The following ANKS1A variants were observed in gnomAD, a reference collection of about 807,000 sequenced individuals.
ANKS1A encodes the protein ankyrin repeat and sterile alpha motif domain containing 1A.
ANKS1A carries 55 observed loss-of-function variants against 120.3 expected under a neutral mutation model. The ratio of observed to expected loss-of-function variants is 0.46; its 90% CI spans 0.37 to 0.57. The LOEUF (loss-of-function observed/expected upper bound fraction) is 0.57. Among genes scored for constraint, ANKS1A ranks in the 20% least tolerant of loss-of-function variants. The pLI is 0.00. For missense variants in ANKS1A, 1,123 were observed against 1,480.3 expected, an observed-to-expected ratio of 0.76 and a Z score of 3.96; for synonymous variants, 590 against 604.7, an observed-to-expected ratio of 0.98 and a Z score of 0.36.
chr6:34,984,941 T>C, intron 7 of ANKS1A, 141 bp from the exon 8 acceptor site: 1 of 697,448 alleles, frequency 1.4e-6, no homozygotes, highest in Non-Finnish European at 2.4e-6. Context: ...TTCTTGTCCA[T>C]GGAACAAAGT....
chr6:34,947,837 C>T (rs1769878566), intron 1 of ANKS1A, among the ~76,000 whole-genome samples: 1 of 152,144 alleles, frequency 6.6e-6, no homozygotes, highest in Non-Finnish European at 1.5e-5. Context: ...TTTAGAACTA[C>T]TCTAAGGACA....
rs571842497 is a variant in ANKS1A, at chr6:34,994,638, C to T, written c.1423+216C>T. 8.6e-4 allele frequency among the ~76,000 whole-genome samples: 131 copies of T among 152,154 alleles called. No homozygotes were observed. In the Middle Eastern group the frequency reaches 0.024, roughly 28 times the overall value. ...GGAGTTGGCTGCCACCTTCAGTATG[C>T]GAAGCAAGGAAAAGGTTAGGTCAGA... On this transcript the variant is annotated intron_variant, in intron 10 of 23. Coordinates refer to ENST00000360359, the MANE Select transcript of ANKS1A (RefSeq NM_015245.3).
chr6:35,042,764 G>A (rs1294312726), intron 11 of ANKS1A, among the ~76,000 whole-genome samples: 3 of 152,226 alleles, frequency 2.0e-5, no homozygotes, highest in East Asian at 3.8e-4. Context: ...ACCGTCCTGC[G>A]AAGCAGGCAT....
At chr6:34,936,128 T>C (rs1769245313) in intron 1 of ANKS1A, among the ~76,000 whole-genome samples, 1 of 151,300 alleles carries the variant, frequency 6.6e-6, no homozygotes, top group Non-Finnish European at 1.5e-5. Flanking sequence ...AGCATGTCCC[T>C]AGTTGCTGGT....
chr6:35,001,232 A>G (rs1773150313), intron 10 of ANKS1A, among the ~76,000 whole-genome samples: 1 of 152,248 alleles, frequency 6.6e-6, no homozygotes, highest in Non-Finnish European at 1.5e-5. Flanking sequence ...ACTAATAAAA[A>G]TTGGTGCTGA....
intron 1 of ANKS1A, among the ~76,000 whole-genome samples, chr6:34,912,053 G>A (rs1234955849): frequency 6.6e-6 from 1 of 152,198 alleles, no homozygotes; most frequent in Admixed American, 6.5e-5. Context: ...AAGTAAACAA[G>A]CATGCTACAA....
intron 10 of ANKS1A, among the ~76,000 whole-genome samples, chr6:35,013,038 C>T (rs953171531): frequency 6.6e-6 from 1 of 151,832 alleles, no homozygotes; most frequent in Non-Finnish European, 1.5e-5. Flanking sequence ...TGATCCTCCT[C>T]TCTCAGCCTC....
In ANKS1A at chr6:35,017,540, G is replaced by A; in HGVS notation, c.1491G>A (p.Glu497=). 2 of 1,614,068 alleles carry A rather than the reference G, an allele frequency of 1.2e-6. No individual in the cohort carries two copies. The highest frequency in any genetic ancestry group is 1.7e-6 in the Non-Finnish European group (2 of 1,179,992). The change falls in exon 11 of 24, where the codon GAG becomes GAA. Residue 497 remains glutamate (E), a synonymous_variant. Coordinates refer to ENST00000360359, the MANE Select transcript of ANKS1A (RefSeq NM_015245.3). ...AGGGGCAGGACGGGCAGGTCCCAGA[G>A]CAGTTCTCAGGCCTCCTCCACGGCT... The part of the protein sequence containing the change: ...SAEGQDGQVP[E]QFSGLLHGSS...
chr6:34,972,080 A>G (rs901586873), intron 3 of ANKS1A, among the ~76,000 whole-genome samples: 1 of 152,266 alleles, frequency 6.6e-6, no homozygotes, highest in Non-Finnish European at 1.5e-5. Flanking sequence ...CTGGTCATCC[A>G]TTAAAGTCCT....
At position 34,992,104 on chromosome 6, in the gene ANKS1A, C is replaced by A. The variant is rs932362363; in HGVS notation, c.1303-2198C>A. ...ATTGGATGAAGAAAAAAATGAAAGC[C>A]AGAAGAAAATGAGGCCATACTGGTC... On this transcript the variant is annotated intron_variant, in intron 9 of 23. Transcript: ENST00000360359. Among the ~76,000 whole-genome samples the A allele has an allele frequency of 4.6e-5, 7 of 152,204 alleles. No individual in the cohort carries two copies. In the South Asian group the frequency reaches 1.2e-3, roughly 27 times the overall value.
intron 13 of ANKS1A, among the ~76,000 whole-genome samples, chr6:35,068,518 C>T (rs762014409): frequency 9.2e-5 from 14 of 152,212 alleles, no homozygotes; most frequent in Middle Eastern, 3.2e-3. Flanking sequence ...TCAGCTCTTC[C>T]TACCCTCCCT....
intron 16 of ANKS1A, 71 bp downstream of exon 16, chr6:35,079,999 T>C (rs1777586933): frequency 1.3e-6 from 2 of 1,498,216 alleles, no homozygotes; most frequent in African/African-American, 1.4e-5. Context: ...TAGAATTCTT[T>C]AGGATTCTTC....
At chr6:35,072,173 G>A (rs1030344900) in intron 13 of ANKS1A, among the ~76,000 whole-genome samples, 5 of 152,270 alleles carry the variant, frequency 3.3e-5, no homozygotes, top group Non-Finnish European at 7.3e-5. Context: ...TAGAGCCCCA[G>A]TGGACTGGAG....
intron 11 of ANKS1A, among the ~76,000 whole-genome samples, chr6:35,032,216 T>C (rs2127570802): frequency 6.6e-6 from 1 of 152,308 alleles, no homozygotes; most frequent in East Asian, 1.9e-4. Context: ...CCCCATTAGA[T>C]GGACTGGCCA....
intron 11 of ANKS1A, among the ~76,000 whole-genome samples, chr6:35,040,738 A>T (rs1048617750): frequency 6.6e-6 from 1 of 152,224 alleles, no homozygotes; most frequent in Admixed American, 6.5e-5. Flanking sequence ...CGAAGATGAG[A>T]TTCCTATGCC....
rs1362710158 is a variant in ANKS1A, at chr6:34,944,456, G to A, written c.198-22783G>A. 3.9e-5 allele frequency among the ~76,000 whole-genome samples: 6 copies of A among 152,280 alleles called. No individual in the cohort carries two copies. The East Asian group carries it at 1.2e-3, about 29-fold the overall frequency. On this transcript the variant is annotated intron_variant, in intron 1 of 23. Coordinates refer to ENST00000360359, the MANE Select transcript of ANKS1A (RefSeq NM_015245.3). ...ATTTCCCTAAGTGACATTTGAATTC[G>A]ATATTGAGTGAGTGTCTTTTCATAT...
intron 11 of ANKS1A, among the ~76,000 whole-genome samples, chr6:35,019,567 A>G (rs1774217632): frequency 6.6e-6 from 1 of 152,202 alleles, no homozygotes; most frequent in African/African-American, 2.4e-5. Flanking sequence ...AGCCTGTGCT[A>G]GATGCCTGGC....
At position 34,981,998 on chromosome 6, in the gene ANKS1A, G is replaced by T. The variant is rs573767921; in HGVS notation, c.732+12G>T. On this transcript the variant is annotated intron_variant, in intron 4 of 23. Transcript: ENST00000360359. ...ACAGCAACTACCAGGTAGCAGGGCG[G>T]GTGGGGGCTCCTCCAATCTCAAGAG... The T allele has an allele frequency of 2.5e-6, 4 of 1,612,674 alleles. No homozygotes were observed. In the African/African-American group the frequency reaches 5.3e-5, roughly 21 times the overall value.
intron 1 of ANKS1A, among the ~76,000 whole-genome samples, chr6:34,945,147 C>CT (rs1282913189): frequency 6.6e-6 from 1 of 152,184 alleles, no homozygotes; most frequent in Non-Finnish European, 1.5e-5. Flanking sequence ...GAGAACACAG[C>CT]TTACTGCAGC....
Sources: allele counts gnomAD v4.1 joint callset (sites outside exome capture counted in the v4.1 genomes callset), GRCh38; gene constraint gnomAD v4.1.1; transcripts MANE v1.5; gene names NCBI Gene and HGNC (gene_info 2026-07-23, HGNC 2026-07-21).